Variants in LGR5 observed in about 807,000 individuals in gnomAD.
LGR5 encodes the protein leucine rich repeat containing G protein-coupled receptor 5, also known as leucine-rich repeat-containing G protein-coupled receptor 5.
A neutral mutation model predicts 76.7 loss-of-function variants in LGR5; 54 were observed. That is an observed-to-expected ratio of 0.70 (90% confidence interval 0.57 to 0.88). The LOEUF (loss-of-function observed/expected upper bound fraction) is 0.88. LGR5 is among the 40% of genes least tolerant of loss of function. LGR5 has a pLI of 0.00. For missense variants in LGR5, 1,078 were observed against 1,073.3 expected, an observed-to-expected ratio of 1.00 and a Z score of -0.06; for synonymous variants, 406 against 421.9, an observed-to-expected ratio of 0.96 and a Z score of 0.46.
intron 1 of LGR5, among the ~76,000 whole-genome samples, chr12:71,468,704 AG>A (rs1313800187): frequency 7.3e-6 from 1 of 136,500 alleles, no homozygotes; most frequent in African/African-American, 2.8e-5. Flanking sequence ...TCTCTGTGGT[AG>A]CCTCTTTTTT....
chr12:71,478,572 A>G (rs1169227686), intron 1 of LGR5, among the ~76,000 whole-genome samples: 2 of 152,224 alleles, frequency 1.3e-5, no homozygotes, highest in African/African-American at 4.8e-5. Flanking sequence ...CCCAGATTGA[A>G]GTAAAGACAA....
At chr12:71,460,620 C>T (rs1457521833) in intron 1 of LGR5, among the ~76,000 whole-genome samples, 3 of 152,116 alleles carry the variant, frequency 2.0e-5, no homozygotes, top group East Asian at 1.9e-4. Context: ...GTAAGGGATG[C>T]TTAACTTGCA....
intron 1 of LGR5, among the ~76,000 whole-genome samples, chr12:71,474,785 C>T (rs1565671825): frequency 1.3e-5 from 2 of 152,102 alleles, no homozygotes; most frequent in South Asian, 2.1e-4. Flanking sequence ...AGCAACTGAT[C>T]GTCTTCTAGA....
At chr12:71,476,989 G>A (rs1873364518) in intron 1 of LGR5, among the ~76,000 whole-genome samples, 1 of 152,046 alleles carries the variant, frequency 6.6e-6, no homozygotes. Context: ...AACCTACAAA[G>A]ATAAAGAAAA....
rs1455254301 is a variant in LGR5, at chr12:71,580,412, T to C, written c.1541T>C (p.Phe514Ser). Residue 514 changes from phenylalanine to serine, a missense_variant, in exon 16 of 18, where the codon TTT (phenylalanine) becomes TCT (serine). By Grantham distance (155) the Phe-to-Ser change is radical (BLOSUM62 -2). Coordinates refer to ENST00000266674, the MANE Select transcript of LGR5 (RefSeq NM_003667.4). ...DDLHKKDAGMFQAQDERDLED... is the reference protein window; with the variant it reads ...DDLHKKDAGMSQAQDERDLED... ...CTTCATAAGAAAGATGCTGGAATGT[T>C]TCAGGCTCAAGGTAGGACTTGCTAT... 3.1e-6 allele frequency: 5 copies of C among 1,613,218 alleles called. No homozygotes were observed. In the African/African-American group the frequency reaches 4.0e-5, roughly 13 times the overall value.
chr12:71,499,949 CA>C (rs926650422), intron 1 of LGR5, among the ~76,000 whole-genome samples: 6 of 151,920 alleles, frequency 3.9e-5, no homozygotes, highest in Non-Finnish European at 7.4e-5. Flanking sequence ...GAACAGTTTT[CA>C]GCAGTACAAG....
At position 71,498,100 on chromosome 12, in the gene LGR5, T is replaced by A. The variant is rs547538091; in HGVS notation, c.213-6514T>A. Among the ~76,000 whole-genome samples, 4 of 152,168 alleles carry A rather than the reference T, an allele frequency of 2.6e-5. No individual in the cohort carries two copies. In the South Asian group the frequency reaches 8.3e-4, roughly 32 times the overall value. On this transcript the variant is annotated intron_variant, in intron 1 of 17. Transcript: ENST00000266674. ...AGGAGAAGCAGCAGTTAGTGGCACT[T>A]AGGCATGGGGGTAGAAGGGCACCTT...
chr12:71,546,900 G>A (rs1415685938), intron 4 of LGR5, among the ~76,000 whole-genome samples: 1 of 152,174 alleles, frequency 6.6e-6, no homozygotes. Context: ...GATACTCAAA[G>A]TTATTGAGGC....
At chr12:71,551,293 CT>C (rs1877472415) in intron 4 of LGR5, among the ~76,000 whole-genome samples, 1 of 152,212 alleles carries the variant, frequency 6.6e-6, no homozygotes, top group South Asian at 2.1e-4. Context: ...GAGGAAGCTG[CT>C]TTCTATAGAA....
intron 15 of LGR5, among the ~76,000 whole-genome samples, chr12:71,579,780 C>G (rs1026601454): frequency 6.6e-6 from 1 of 152,140 alleles, no homozygotes; most frequent in African/African-American, 2.4e-5. Context: ...CCACTTCCCC[C>G]CAAGTCCACC....
At chr12:71,535,981 C>T (rs1408650679) in intron 4 of LGR5, among the ~76,000 whole-genome samples, 1 of 152,150 alleles carries the variant, frequency 6.6e-6, no homozygotes, top group African/African-American at 2.4e-5. Context: ...GATTACTTGG[C>T]AAGTCTATAC....
chr12:71,463,596 A>T (rs1257478400), intron 1 of LGR5, among the ~76,000 whole-genome samples: 2 of 152,206 alleles, frequency 1.3e-5, no homozygotes, highest in Admixed American at 1.3e-4. Context: ...AATGTCAACC[A>T]TTATGATGAC....
intron 3 of LGR5, among the ~76,000 whole-genome samples, chr12:71,532,771 A>G (rs1876386537): frequency 6.6e-6 from 1 of 151,936 alleles, no homozygotes. Flanking sequence ...AACCCAGTGC[A>G]GCTCTTCCTC....
At chr12:71,528,469 T>C (rs567855426) in intron 3 of LGR5, among the ~76,000 whole-genome samples, 3 of 152,068 alleles carry the variant, frequency 2.0e-5, no homozygotes, top group Non-Finnish European at 4.4e-5. Flanking sequence ...TCAAAAAATA[T>C]ATAAATAAAA....
At chr12:71,469,614 G>A (rs999688136) in intron 1 of LGR5, among the ~76,000 whole-genome samples, 28 of 152,200 alleles carry the variant, frequency 1.8e-4, no homozygotes, top group African/African-American at 6.3e-4. Flanking sequence ...AGGTCAAAGC[G>A]GAGAAACTGA....
intron 1 of LGR5, among the ~76,000 whole-genome samples, chr12:71,463,737 T>C (rs1872759349): frequency 6.6e-6 from 1 of 152,146 alleles, no homozygotes; most frequent in South Asian, 2.1e-4. Context: ...TTGTAAAGAT[T>C]AGTATCTCTG....
chr12:71,556,628 T>G lies in LGR5; in HGVS notation c.654T>G (p.His218Gln), dbSNP rs1877780344. The G allele has an allele frequency of 1.2e-6, 2 of 1,609,146 alleles. No homozygotes were observed. Among genetic ancestry groups the G allele is most frequent in the Admixed American group, 1.7e-5 (1 of 60,006 alleles). ...NLSSLVVLHLHNNRIHSLGKK... is the reference protein window; with the variant it reads ...NLSSLVVLHLQNNRIHSLGKK... ...TAATGTTCTACTGCAGACATCTCCA[T>G]AACAATAGAATCCACTCCCTGGGAA... Residue 218 changes from histidine to glutamine, a missense_variant, in exon 6 of 18, where the codon CAT becomes CAG. Physicochemically the swap from His to Gln is conservative, Grantham distance 24. Coordinates refer to ENST00000266674, the MANE Select transcript of LGR5 (RefSeq NM_003667.4).
intron 5 of LGR5, among the ~76,000 whole-genome samples, chr12:71,553,626 A>G (rs11178846): frequency 6.6e-6 from 1 of 152,044 alleles, no homozygotes; most frequent in African/African-American, 2.4e-5. Context: ...TTAAAAAATA[A>G]TTGATAATTC....
At chr12:71,577,862 A>G (rs752352214) in intron 13 of LGR5, 63 bp from the exon 14 acceptor site, 35 of 1,061,744 alleles carry the variant, frequency 3.3e-5, no homozygotes, top group Non-Finnish European at 5.0e-5. Context: ...CTAAATGCAT[A>G]TGATAAAACT....
Sources: gnomAD v4.1 joint callset for allele counts (sites outside exome capture counted in the v4.1 genomes callset) on GRCh38, gnomAD v4.1.1 for gene constraint, MANE v1.5 for transcripts, NCBI Gene and HGNC (gene_info 2026-07-23, HGNC 2026-07-21) for gene names.